The following ARHGEF10 variants were observed in gnomAD, a reference collection of about 807,000 sequenced individuals.
ARHGEF10 encodes Rho guanine nucleotide exchange factor 10, also known as Rho guanine nucleotide exchange factor (GEF) 10.
ARHGEF10 carries 140 observed loss-of-function variants against 147.4 expected under a neutral mutation model. The ratio of observed to expected loss-of-function variants is 0.95; its 90% CI spans 0.83 to 1.09. The LOEUF (loss-of-function observed/expected upper bound fraction) is 1.09. Ranked by LOEUF, ARHGEF10 falls within the 50% of genes least tolerant of loss-of-function variation. The probability of loss-of-function intolerance (pLI) is 0.00; values close to 1 mark genes in which losing one functional copy is unlikely to be tolerated. For missense variants in ARHGEF10, 2,222 were observed against 1,752.7 expected (o/e 1.27, Z -4.78); for synonymous variants, 902 against 695.8 (o/e 1.30, Z -4.67).
chr8:1,913,666 C>T (rs547590647), intron 18 of ARHGEF10, among the ~76,000 whole-genome samples: 1 of 152,314 alleles, frequency 6.6e-6, no homozygotes, highest in East Asian at 1.9e-4. Flanking sequence ...CTGCAGCTTC[C>T]AGAAGGCCGC....
At chr8:1,876,307 G>GTA in intron 7 of ARHGEF10, 36 of 534,328 alleles carry the variant, frequency 6.7e-5, no homozygotes, top group Admixed American at 1.6e-4. Context: ...ATAGCCAGGT[G>GTA]GTCCTCGGGG....
Position 1,926,424 on chromosome 8 carries a change from C to A in ARHGEF10, c.2658C>A (p.Ser886Arg), listed in dbSNP as rs769028045. 6.2e-7 allele frequency: 1 copy of A among 1,614,164 alleles called. No homozygotes were observed. The highest frequency in any genetic ancestry group is 8.5e-7 in the Non-Finnish European group (1 of 1,180,020). The change falls in exon 23 of 29, where the codon AGC (serine) becomes AGA (arginine). Residue 886 changes from serine to arginine, a missense_variant. By Grantham distance (110) the Ser-to-Arg change is moderately radical. Transcript: ENST00000349830. ...CTGAACCTTACCTAAATAATGAAAG[C>A]CAGCCAGATTCATTTTCCACGGCAC... ...YNPEPYLNNESQPDSFSTAHG... is the reference protein window; with the variant it reads ...YNPEPYLNNERQPDSFSTAHG...
At chr8:1,846,950 G>T (rs1199073927) in intron 2 of ARHGEF10, among the ~76,000 whole-genome samples, 1 of 152,200 alleles carries the variant, frequency 6.6e-6, no homozygotes. Context: ...TCAGGCTGCT[G>T]CTCGTTTTTC....
chr8:1,855,633 G>C (rs947118843), intron 2 of ARHGEF10, among the ~76,000 whole-genome samples: 5 of 151,322 alleles, frequency 3.3e-5, no homozygotes, highest in African/African-American at 1.2e-4. Context: ...CAAGCAATTA[G>C]TCCTCCTTGG....
At chr8:1,942,840 C>G (rs1206343655) in intron 26 of ARHGEF10, among the ~76,000 whole-genome samples, 1 of 149,172 alleles carries the variant, frequency 6.7e-6, no homozygotes, top group African/African-American at 2.5e-5. Flanking sequence ...CACAAAAGGC[C>G]GAACATTGTA....
intron 16 of ARHGEF10, among the ~76,000 whole-genome samples, chr8:1,905,099 AGCCTGGGTAAC>A (rs1810778593): frequency 6.6e-6 from 1 of 152,214 alleles, no homozygotes; most frequent in African/African-American, 2.4e-5. Flanking sequence ...GCTGCACTCC[AGCCTGGGTAAC>A]AGAGCGAGGC....
At chr8:1,845,675 A>G (rs1036947268) in intron 2 of ARHGEF10, among the ~76,000 whole-genome samples, 19 of 152,238 alleles carry the variant, frequency 1.2e-4, no homozygotes, top group Non-Finnish European at 7.3e-5. Context: ...TGACGTCGTC[A>G]TCAGTCCTGG....
intron 1 of ARHGEF10, among the ~76,000 whole-genome samples, chr8:1,827,929 A>C (rs1802864921): frequency 6.6e-6 from 1 of 152,206 alleles, no homozygotes; most frequent in Non-Finnish European, 1.5e-5. Flanking sequence ...GTTAACAGGC[A>C]CATGTAGAGA....
chr8:1,834,329 G>A (rs6558551), intron 1 of ARHGEF10, among the ~76,000 whole-genome samples: 89,885 of 151,952 alleles, frequency 0.59, 26,946 homozygotes, highest in Middle Eastern at 0.72. Context: ...TTCTGGGAGC[G>A]TGCAGAGGAG....
chr8:1,886,679 C>G (rs1563230820), intron 11 of ARHGEF10, among the ~76,000 whole-genome samples: 1 of 142,958 alleles, frequency 7.0e-6, no homozygotes, highest in Admixed American at 6.8e-5. Flanking sequence ...TGTGCATGCT[C>G]TGTGCAGGCC....
chr8:1,884,221 G>A (rs1023854281), intron 10 of ARHGEF10, among the ~76,000 whole-genome samples: 7 of 151,942 alleles, frequency 4.6e-5, no homozygotes, highest in South Asian at 2.1e-4. Flanking sequence ...GTGAAACCCC[G>A]TCTCTACTAA....
Position 1,864,354 on chromosome 8 carries a change from A to C in ARHGEF10, c.482-19A>C, listed in dbSNP as rs779237480. 2 of 1,613,710 alleles carry C rather than the reference A, an allele frequency of 1.2e-6. No homozygotes were observed. Among genetic ancestry groups the C allele is most frequent in the Non-Finnish European group, 8.5e-7 (1 of 1,179,746 alleles). On this transcript the variant is annotated intron_variant, in intron 4 of 28. Transcript: ENST00000349830. ...TTTGTCAGGCGTAAAGCAGCATCAC[A>C]TATTTTCTTTCCCAGCAGAAACACC... is the stretch of plus-strand genomic sequence containing the variant.
intron 4 of ARHGEF10, among the ~76,000 whole-genome samples, chr8:1,860,559 G>A (rs1806045237): frequency 6.6e-6 from 1 of 152,100 alleles, no homozygotes; most frequent in South Asian, 2.1e-4. Flanking sequence ...TTTGTTTACA[G>A]AGTTGGAAAA....
At chr8:1,824,546 C>T (rs1027044379) in intron 1 of ARHGEF10, among the ~76,000 whole-genome samples, 3 of 150,974 alleles carry the variant, frequency 2.0e-5, no homozygotes, top group Non-Finnish European at 3.0e-5. Context: ...TTCCCCCGCA[C>T]CCTACCTGTC....
In ARHGEF10 at chr8:1,871,352, T is replaced by TA. The variant is rs202011745; in HGVS notation, c.679+2111dup. On this transcript the variant is annotated intron_variant, in intron 7 of 28. Coordinates refer to ENST00000349830, the MANE Select transcript of ARHGEF10 (RefSeq NM_014629.4). ...CCTCATAATAACTGAATAAAATCAG[T>TA]AAAAAAAAATCAATACAAACATTTA... Among the ~76,000 whole-genome samples the TA allele has an allele frequency of 3.3e-3, 493 of 150,450 alleles. 2 individuals are homozygous for TA. The highest frequency in any genetic ancestry group is 4.8e-3 in the Non-Finnish European group (322 of 67,536).
chr8:1,949,934 C>T (rs193048344), intron 27 of ARHGEF10, among the ~76,000 whole-genome samples: 1 of 152,236 alleles, frequency 6.6e-6, no homozygotes, highest in East Asian at 1.9e-4. Flanking sequence ...ACTGTTCTGT[C>T]TCTGAGGTTA....
At chr8:1,850,418 G>T (rs1377447398) in intron 2 of ARHGEF10, among the ~76,000 whole-genome samples, 5 of 146,658 alleles carry the variant, frequency 3.4e-5, no homozygotes, top group Admixed American at 3.4e-4. Flanking sequence ...TGGGGCAACC[G>T]CGTGGACACA....
intron 15 of ARHGEF10, among the ~76,000 whole-genome samples, chr8:1,901,239 C>T (rs564086249): frequency 1.3e-5 from 2 of 152,206 alleles, no homozygotes; most frequent in East Asian, 1.9e-4. Flanking sequence ...TGCCGTAGTC[C>T]GTGTGCTGAG....
chr8:1,862,639 A>G (rs1806226111), intron 4 of ARHGEF10, among the ~76,000 whole-genome samples: 1 of 152,128 alleles, frequency 6.6e-6, no homozygotes, highest in South Asian at 2.1e-4. Flanking sequence ...GTGCTCCTGG[A>G]CACCCCCGTG....
Sources: allele counts gnomAD v4.1 joint callset (sites outside exome capture counted in the v4.1 genomes callset), GRCh38; gene constraint gnomAD v4.1.1; transcripts MANE v1.5; gene names NCBI Gene and HGNC (gene_info 2026-07-23, HGNC 2026-07-21).